The following MAP9 variants were observed in gnomAD, a reference collection of about 807,000 sequenced individuals.
MAP9 encodes microtubule associated protein 9.
In MAP9, 80 loss-of-function variants were observed where a neutral mutation model predicts 75.2. The ratio of observed to expected loss-of-function variants is 1.06; its 90% confidence interval spans 0.89 to 1.28. The LOEUF (loss-of-function observed/expected upper bound fraction) is 1.28, where lower values mean the gene tolerates loss of function less well. Ranked by LOEUF, MAP9 falls within the 50% of genes most tolerant of loss-of-function variation. MAP9 has a pLI of 0.00. For missense variants in MAP9, 753 were observed against 719.9 expected (o/e 1.05, Z -0.53); for synonymous variants, 235 against 237.3 (o/e 0.99, Z 0.09).
At chr4:155,358,311 T>C (rs1234500572) in intron 7 of MAP9, among the ~76,000 whole-genome samples, 1 of 152,196 alleles carries the variant, frequency 6.6e-6, no homozygotes, top group Non-Finnish European at 1.5e-5. Context: ...CACAGACTGA[T>C]GGGTGCTAGT....
chr4:155,368,556 A>G, intron 5 of MAP9, 30 bp downstream of exon 5: 1 of 1,515,568 alleles, frequency 6.6e-7, no homozygotes, highest in Non-Finnish European at 9.2e-7. Flanking sequence ...ATTCAAGAAC[A>G]CAATTCAACA....
intron 13 of MAP9, chr4:155,350,979 C>A (rs925644356): frequency 6.6e-6 from 1 of 151,878 alleles, no homozygotes; most frequent in Non-Finnish European, 1.5e-5. Flanking sequence ...ATCTTTAAAT[C>A]GCTCATTTTG....
At chr4:155,375,537 AG>A (rs1732802040) in intron 2 of MAP9, among the ~76,000 whole-genome samples, 1 of 152,324 alleles carries the variant, frequency 6.6e-6, no homozygotes, top group East Asian at 1.9e-4. Flanking sequence ...TGGCAATTTA[AG>A]GTTGCGATTC....
Position 155,344,359 on chromosome 4 carries a change from G to A in MAP9, c.*3424C>T, listed in dbSNP as rs979981720. The A allele has an allele frequency of 6.6e-5, 10 of 151,910 alleles. No homozygotes were observed. Among genetic ancestry groups the A allele is most frequent in the Non-Finnish European group, 1.3e-4 (9 of 67,884 alleles). The allele number at this position is 151,910 out of a possible 1,614,324, so 9.4% of individuals were successfully genotyped here. A position where few individuals can be genotyped will look rare whatever the true frequency, so the allele number is the denominator to read the frequency against. ...GGAATGGTGAGCAGAATACAACTGG[G>A]ACCCCTGATACTGAGATCTAACTCT... On this transcript the variant is annotated 3_prime_UTR_variant, in exon 14 of 14. Coordinates refer to ENST00000311277, the MANE Select transcript of MAP9 (RefSeq NM_001039580.2).
chr4:155,347,983 C>CA, intron 13 of MAP9, 78 bp from the exon 14 acceptor site: 1 of 879,348 alleles, frequency 1.1e-6, no homozygotes, highest in Non-Finnish European at 1.7e-6. Context: ...TGCTGAAGAA[C>CA]AAAATAATCC....
chr4:155,348,586 G>A (rs1298829344), intron 13 of MAP9, among the ~76,000 whole-genome samples: 1 of 152,120 alleles, frequency 6.6e-6, no homozygotes, highest in Non-Finnish European at 1.5e-5. Flanking sequence ...TGTCATGACA[G>A]TATGAGATAC....
At chr4:155,363,115 T>A (rs183273767) in intron 5 of MAP9, 11 of 152,264 alleles carry the variant, frequency 7.2e-5, no homozygotes, top group African/African-American at 2.6e-4. Context: ...AATCTGCATA[T>A]GAAATTCACC....
chr4:155,367,360 G>A (rs1263184396), intron 5 of MAP9: 1 of 152,248 alleles, frequency 6.6e-6, no homozygotes, highest in African/African-American at 2.4e-5. Flanking sequence ...GGAATGCCAT[G>A]GACTGCTGGC....
At chr4:155,368,183 T>C (rs1732415401) in intron 5 of MAP9, 2 of 271,206 alleles carry the variant, frequency 7.4e-6, no homozygotes, top group South Asian at 1.0e-4. Flanking sequence ...ACACTGACTA[T>C]ATTGTTCTTA....
At position 155,374,958 on chromosome 4, in the gene MAP9, C is replaced by A; in HGVS notation, c.139G>T (p.Asp47Tyr). 6.3e-7 allele frequency: 1 copy of A among 1,590,682 alleles called. No homozygotes were observed. Among genetic ancestry groups the A allele is most frequent in the Non-Finnish European group, 8.6e-7 (1 of 1,162,154 alleles). The change falls in exon 3 of 14, where the codon GAC becomes TAC. Residue 47 changes from aspartate (D) to tyrosine (Y), a missense_variant. By Grantham distance (160) the Asp-to-Tyr change is radical. Transcript: ENST00000311277. Reference protein sequence around the residue: ...ARQRSSEYSDDFDSDEIVSLG... With the variant: ...ARQRSSEYSDYFDSDEIVSLG... ...ATACCAATCTCATCACTGTCAAAGTCATCTGAGTATTCAGAACTCCTTTGT... is the reference window on the plus strand; with the variant it reads ...ATACCAATCTCATCACTGTCAAAGTAATCTGAGTATTCAGAACTCCTTTGT...
intron 7 of MAP9, among the ~76,000 whole-genome samples, chr4:155,357,991 G>A (rs868147234): frequency 1.2e-4 from 18 of 152,172 alleles, no homozygotes; most frequent in African/African-American, 4.3e-4. Context: ...GAAAGCGGAG[G>A]AAGACGTGGT....
Position 155,352,608 on chromosome 4 carries a change from A to T in MAP9, c.1809T>A (p.Tyr603Ter). The change falls in exon 13 of 14, where the codon TAT becomes TAA. Residue 603 changes from tyrosine (Y) to a stop codon, truncating the protein, a stop_gained. Coordinates refer to ENST00000311277, the MANE Select transcript of MAP9 (RefSeq NM_001039580.2). LOFTEE classifies it high-confidence loss of function. The part of the protein sequence containing the change: ...KDKDKQAINE[Y>*]EKWLENKEKQ... Reference sequence around the variant, plus strand: ...AAATAATACCTACCAGCCATTTTTCATATTCATTAATAGCTTGTTTATCTT... The same window carrying T: ...AAATAATACCTACCAGCCATTTTTCTTATTCATTAATAGCTTGTTTATCTT... 6.4e-7 allele frequency: 1 copy of T among 1,570,350 alleles called. No homozygotes were observed. Among genetic ancestry groups the T allele is most frequent in the Admixed American group, 1.9e-5 (1 of 53,854 alleles).
chr4:155,365,268 A>G (rs1201222649), intron 5 of MAP9, among the ~76,000 whole-genome samples: 1 of 151,972 alleles, frequency 6.6e-6, no homozygotes, highest in African/African-American at 2.4e-5. Flanking sequence ...AATCTATAAG[A>G]TAAGGAAAGG....
chr4:155,375,942 C>G, intron 1 of MAP9, 28 bp from the exon 2 acceptor site: 1 of 815,878 alleles, frequency 1.2e-6, no homozygotes, highest in Non-Finnish European at 2.0e-6. Flanking sequence ...AATCAGACTT[C>G]GCATGCTTCA....
chr4:155,374,813 T>C (rs11723273), intron 3 of MAP9, 124 bp downstream of exon 3: 103,011 of 467,384 alleles, frequency 0.22, 13,118 homozygotes, highest in African/African-American at 0.44. Flanking sequence ...CTAAAATTAG[T>C]GAATGCTTAG....
At chr4:155,376,037 C>T (rs1182607756) in intron 1 of MAP9, 123 bp from the exon 2 acceptor site, 1 of 418,464 alleles carries the variant, frequency 2.4e-6, no homozygotes, top group East Asian at 3.6e-5. Context: ...TACATCTTCA[C>T]TTAAAAAGGT....
At chr4:155,367,999 A>G (rs889847486) in intron 5 of MAP9, among the ~76,000 whole-genome samples, 10 of 152,232 alleles carry the variant, frequency 6.6e-5, no homozygotes, top group Admixed American at 5.9e-4. Flanking sequence ...TCATAGTGAA[A>G]TACAAAGAGA....
rs2111233138 is a variant in MAP9 at position 155,360,511 on chromosome 4, TAA to T, written c.803-98_803-97del. ...CTTTCTTTTAAATGAGGACTATCTA[TAA>T]ACTCTTTTTTCTTGCAAAATATGAA... On this transcript the variant is annotated intron_variant, in intron 6 of 13. Transcript: ENST00000311277. The T allele has an allele frequency of 3.3e-6, 4 of 1,209,204 alleles. No individual in the cohort carries two copies. The East Asian group carries it at 9.5e-5, about 29-fold the overall frequency. The allele number at this position is 1,209,204 out of a possible 1,614,324, so 74.9% of individuals were successfully genotyped here.
intron 2 of MAP9, among the ~76,000 whole-genome samples, 162 bp downstream of exon 2, chr4:155,375,614 G>A (rs1732804064): frequency 6.6e-6 from 1 of 152,174 alleles, no homozygotes; most frequent in African/African-American, 2.4e-5. Context: ...ATATAGGGGA[G>A]TTTGTAATAC....
Sources: gnomAD v4.1 joint callset for allele counts (sites outside exome capture counted in the v4.1 genomes callset) on GRCh38, gnomAD v4.1.1 for gene constraint, MANE v1.5 for transcripts, NCBI Gene and HGNC (gene_info 2026-07-23, HGNC 2026-07-21) for gene names.